The following MAPK10 variants were observed in gnomAD, a reference collection of about 807,000 sequenced individuals.
MAPK10 encodes JNK3 alpha protein kinase.
Under a neutral mutation model 59.3 loss-of-function variants are expected in MAPK10, and 25 were observed. That is an observed-to-expected ratio of 0.42 (90% CI 0.31 to 0.59). The LOEUF is 0.59. Among genes scored for constraint, MAPK10 ranks in the 20% least tolerant of loss-of-function variants. The pLI is 0.15. For synonymous variants in MAPK10, 190 were observed against 200.5 expected, an observed-to-expected ratio of 0.95 and a Z score of 0.44; for missense variants, 351 against 568.9, an observed-to-expected ratio of 0.62 and a Z score of 3.90.
At chr4:86,053,965 C>G (rs1284449462) in intron 11 of MAPK10, among the ~76,000 whole-genome samples, 1 of 152,112 alleles carries the variant, frequency 6.6e-6, no homozygotes, top group African/African-American at 2.4e-5. Context: ...GTTCCCTTCC[C>G]CCTTTTCATA....
chr4:86,412,135 A>T (rs541467126), intron 1 of MAPK10, among the ~76,000 whole-genome samples: 31 of 152,080 alleles, frequency 2.0e-4, no homozygotes, highest in Non-Finnish European at 4.3e-4. Flanking sequence ...TCTGTAAAGG[A>T]TTTTATTTCT....
At chr4:86,415,352 TG>T (rs777954423) in intron 1 of MAPK10, among the ~76,000 whole-genome samples, 3 of 152,216 alleles carry the variant, frequency 2.0e-5, no homozygotes, top group Admixed American at 6.5e-5. Flanking sequence ...CAATGTTTTT[TG>T]CCTCGTGACT....
intron 11 of MAPK10, among the ~76,000 whole-genome samples, chr4:86,033,691 G>A (rs906925764): frequency 7.2e-5 from 11 of 152,162 alleles, no homozygotes; most frequent in African/African-American, 1.2e-4. Context: ...AACCAAGAGG[G>A]CTGCTTTAAA....
chr4:86,184,195 T>C (rs2077603657), intron 3 of MAPK10, among the ~76,000 whole-genome samples: 1 of 152,206 alleles, frequency 6.6e-6, no homozygotes. Flanking sequence ...TTTTGGTGTT[T>C]TAGACATGAA....
chr4:86,193,549 C>G (rs1217780751), intron 3 of MAPK10: 2 of 152,360 alleles, frequency 1.3e-5, no homozygotes, highest in Non-Finnish European at 2.9e-5. Context: ...TTTGTTTACA[C>G]TGTGAGGGGA....
At chr4:86,466,449 CA>C (rs1752211891) in intron 1 of MAPK10, among the ~76,000 whole-genome samples, 1 of 152,188 alleles carries the variant, frequency 6.6e-6, no homozygotes, top group Non-Finnish European at 1.5e-5. Context: ...ACCTCAACCT[CA>C]AATGATATGG....
intron 1 of MAPK10, among the ~76,000 whole-genome samples, chr4:86,475,551 G>C (rs1003044127): frequency 2.0e-5 from 3 of 152,142 alleles, no homozygotes. Context: ...TCTGGCGCCG[G>C]TCACGGACTC....
At chr4:86,245,311 A>ATTTT (rs35547091) in intron 2 of MAPK10, among the ~76,000 whole-genome samples, 2 of 137,340 alleles carry the variant, frequency 1.5e-5, no homozygotes, top group African/African-American at 2.7e-5. Context: ...ACAAGTGCCA[A>ATTTT]TTTTTTTTTT....
intron 4 of MAPK10, among the ~76,000 whole-genome samples, chr4:86,138,979 T>C (rs1352862472): frequency 9.0e-6 from 1 of 111,550 alleles, no homozygotes; most frequent in African/African-American, 2.5e-5. Flanking sequence ...TTACAAGGGA[T>C]GTGAAGGACC....
intron 9 of MAPK10, among the ~76,000 whole-genome samples, chr4:86,090,091 G>A (rs1005094709): frequency 9.9e-5 from 15 of 152,154 alleles, no homozygotes; most frequent in Non-Finnish European, 1.9e-4. Context: ...AGGGCAGAGC[G>A]CACAGAGGGA....
intron 4 of MAPK10, among the ~76,000 whole-genome samples, chr4:86,145,212 T>C (rs2064626025): frequency 7.1e-6 from 1 of 139,910 alleles, no homozygotes; most frequent in Admixed American, 7.0e-5. Flanking sequence ...AATTTCTATC[T>C]CTAGCCGGGC....
chr4:86,059,517 C>G (rs1411873308), intron 11 of MAPK10, among the ~76,000 whole-genome samples: 1 of 152,148 alleles, frequency 6.6e-6, no homozygotes, highest in Non-Finnish European at 1.5e-5. Context: ...GTAACTGTTA[C>G]TCTGTTTCCC....
At chr4:86,353,770 G>C (rs541787239) in intron 2 of MAPK10, among the ~76,000 whole-genome samples, 2 of 152,084 alleles carry the variant, frequency 1.3e-5, no homozygotes, top group Admixed American at 1.3e-4. Flanking sequence ...GCTCAAAATA[G>C]CTTCTTTTGG....
At chr4:86,295,437 T>C (rs972763093) in intron 2 of MAPK10, among the ~76,000 whole-genome samples, 1 of 152,150 alleles carries the variant, frequency 6.6e-6, no homozygotes, top group African/African-American at 2.4e-5. Context: ...TTGCTCTACA[T>C]TTTATGGATG....
At chr4:86,581,899 T>TTTTATATATATA (rs1554284916) in intron 1 of MAPK10, among the ~76,000 whole-genome samples, 1 of 91,578 alleles carries the variant, frequency 1.1e-5, no homozygotes, top group Non-Finnish European at 2.0e-5. Context: ...GCTATATATA[T>TTTTATATATATA]TATATATATA....
intron 1 of MAPK10, among the ~76,000 whole-genome samples, chr4:86,442,816 G>A (rs1028207105): frequency 6.0e-4 from 92 of 152,222 alleles, no homozygotes; most frequent in East Asian, 2.7e-3. Context: ...AATGATATTT[G>A]GGATGTTTCA....
chr4:86,105,769 C>G (rs2056430334), intron 5 of MAPK10, among the ~76,000 whole-genome samples: 1 of 152,000 alleles, frequency 6.6e-6, no homozygotes, highest in Non-Finnish European at 1.5e-5. Context: ...ATATTCCTTT[C>G]TAGAAGTCTC....
chr4:86,523,306 C>T (rs1757254796), intron 1 of MAPK10, among the ~76,000 whole-genome samples: 1 of 152,172 alleles, frequency 6.6e-6, no homozygotes, highest in Admixed American at 6.5e-5. Context: ...CTGCCATACA[C>T]ATATCCTCCT....
chr4:86,489,789 G>A (rs1754318314), intron 1 of MAPK10, among the ~76,000 whole-genome samples: 1 of 152,000 alleles, frequency 6.6e-6, no homozygotes, highest in South Asian at 2.1e-4. Context: ...AATCCTGAAT[G>A]GTTTCTGAAC....
Sources: gnomAD v4.1 joint callset for allele counts (sites outside exome capture counted in the v4.1 genomes callset) on GRCh38, gnomAD v4.1.1 for gene constraint, MANE v1.5 for transcripts, NCBI Gene and HGNC (gene_info 2026-07-23, HGNC 2026-07-21) for gene names.